The following C10orf88 variants were observed in gnomAD, a reference collection of about 807,000 sequenced individuals.
C10orf88 encodes the protein chromosome 10 open reading frame 88, also known as ATPase PAAT.
Under a neutral mutation model 34.2 loss-of-function variants are expected in C10orf88, and 29 were observed. The ratio of observed to expected loss-of-function variants is 0.85; its 90% CI spans 0.63 to 1.16. The LOEUF is 1.16. Ranked by LOEUF, C10orf88 falls within the 50% of genes most tolerant of loss-of-function variation. C10orf88 has a pLI of 0.00. For missense variants in C10orf88, 507 were observed against 533.2 expected (o/e 0.95, Z 0.48); for synonymous variants, 194 against 197.4 (o/e 0.98, Z 0.15).
At chr10:122,951,443 G>A (rs1312493371) in intron 3 of C10orf88, among the ~76,000 whole-genome samples, 2 of 151,770 alleles carry the variant, frequency 1.3e-5, no homozygotes, top group African/African-American at 4.8e-5. Context: ...CTGGGCTTGA[G>A]CAATCCTCCC....
intron 4 of C10orf88, among the ~76,000 whole-genome samples, chr10:122,940,127 C>T (rs1848569501): frequency 6.6e-6 from 1 of 151,904 alleles, no homozygotes; most frequent in Non-Finnish European, 1.5e-5. Flanking sequence ...GTACTCACAA[C>T]CGCCAAGATA....
chr10:122,952,826 C>T lies in C10orf88; in HGVS notation c.368+3G>A, dbSNP rs753168600. ...AACACTTTCCCGTGTACAAGTCACACACCTGTCATCCAGGACAGTACAAAC... is the reference window on the plus strand; with the variant it reads ...AACACTTTCCCGTGTACAAGTCACATACCTGTCATCCAGGACAGTACAAAC... On this transcript the variant is annotated splice_donor_region_variant and intron_variant, in intron 2 of 5. Transcript: ENST00000481909. 1.2e-6 allele frequency: 2 copies of T among 1,614,036 alleles called. No homozygotes were observed. Among genetic ancestry groups the T allele is most frequent in the East Asian group, 2.2e-5 (1 of 44,886 alleles).
Position 122,948,945 on chromosome 10 carries a change from A to G in C10orf88, c.442-90T>C. The G allele has an allele frequency of 3.6e-6, 4 of 1,120,952 alleles. No individual in the cohort carries two copies. The South Asian group carries it at 6.3e-5, about 18-fold the overall frequency. The allele number at this position is 1,120,952 out of a possible 1,614,324, so 69.4% of individuals were successfully genotyped here. A position where few individuals can be genotyped will look rare whatever the true frequency, so the allele number is the denominator to read the frequency against. On this transcript the variant is annotated intron_variant, in intron 3 of 5. Coordinates refer to ENST00000481909, the MANE Select transcript of C10orf88 (RefSeq NM_024942.4). ...CTTGGTATGACCTAAACAAGAGTGA[A>G]GTATTCAAGAATCTAAAAATTAACT...
Position 122,932,530 on chromosome 10 carries a change from A to G in C10orf88, c.1235T>C (p.Ile412Thr), listed in dbSNP as rs1270957149. 2.5e-6 allele frequency: 4 copies of G among 1,613,882 alleles called. No individual in the cohort carries two copies. Among genetic ancestry groups the G allele is most frequent in the Admixed American group, 1.7e-5 (1 of 59,986 alleles). ...HELQEHIDDK[I>T]ALLLDLLQNP... ...TTGCAGCAAATCCAGTAACAAAGCA[A>G]TCTTATCATCAATGTGCTCCTGGAG... Residue 412 changes from isoleucine (I) to threonine (T), a missense_variant, in exon 6 of 6, where the codon ATT becomes ACT. Transcript: ENST00000481909.
intron 5 of C10orf88, 57 bp downstream of exon 5, chr10:122,937,648 T>C: frequency 7.1e-7 from 1 of 1,415,602 alleles, no homozygotes; most frequent in Non-Finnish European, 9.6e-7. Flanking sequence ...CTGTTTCCTT[T>C]CATCTGATTC....
At chr10:122,940,800 A>G (rs1438071713) in intron 4 of C10orf88, among the ~76,000 whole-genome samples, 3 of 152,054 alleles carry the variant, frequency 2.0e-5, no homozygotes, top group African/African-American at 4.8e-5. Context: ...ACTGCATAAT[A>G]TTCATAAAAC....
intron 1 of C10orf88, among the ~76,000 whole-genome samples, chr10:122,953,466 A>T (rs568283893): frequency 6.6e-6 from 1 of 152,182 alleles, no homozygotes; most frequent in Non-Finnish European, 1.5e-5. Context: ...CAGAATTCAT[A>T]CGGAAATGAA....
intron 4 of C10orf88, among the ~76,000 whole-genome samples, chr10:122,944,831 T>C (rs1166872583): frequency 6.6e-6 from 1 of 151,286 alleles, no homozygotes; most frequent in Non-Finnish European, 1.5e-5. Flanking sequence ...ATCTCTAAAC[T>C]TGAAAAAAAA....
In C10orf88 at chr10:122,932,311, T is replaced by C; in HGVS notation, c.*116A>G. ...AAACGAAAACTGAGGTCACTTTGTG[T>C]AAGACAATGATCCCTCAAAGGACAT... On this transcript the variant is annotated 3_prime_UTR_variant, in exon 6 of 6. Transcript: ENST00000481909. The C allele has an allele frequency of 1.2e-6, 1 of 858,424 alleles. No homozygotes were observed. The highest frequency in any genetic ancestry group is 2.0e-5 in the South Asian group (1 of 49,880). The allele number at this position is 858,424 out of a possible 1,614,324, so 53.2% of individuals were successfully genotyped here. A position where few individuals can be genotyped will look rare whatever the true frequency, so the allele number is the denominator to read the frequency against.
chr10:122,935,815 T>C (rs544378138), intron 5 of C10orf88, among the ~76,000 whole-genome samples: 1 of 151,924 alleles, frequency 6.6e-6, no homozygotes, highest in Admixed American at 6.6e-5. Context: ...TTTTATAATT[T>C]TCATTTCACA....
chr10:122,952,792 C>T, intron 2 of C10orf88, 37 bp downstream of exon 2: 1 of 1,607,738 alleles, frequency 6.2e-7, no homozygotes, highest in Non-Finnish European at 8.5e-7. Flanking sequence ...CAAAACACTA[C>T]TTCAGAAGAA....
intron 5 of C10orf88, among the ~76,000 whole-genome samples, chr10:122,937,093 C>G (rs571037425): frequency 6.6e-5 from 10 of 152,008 alleles, no homozygotes; most frequent in African/African-American, 2.2e-4. Flanking sequence ...CATGTTTAAG[C>G]CAAAACCACA....
At chr10:122,942,031 G>A (rs1848588521) in intron 4 of C10orf88, among the ~76,000 whole-genome samples, 1 of 151,838 alleles carries the variant, frequency 6.6e-6, no homozygotes, top group South Asian at 2.1e-4. Flanking sequence ...TAAAATTCAT[G>A]GCAAAGAAAA....
At chr10:122,946,999 A>G (rs1848646594) in intron 4 of C10orf88, among the ~76,000 whole-genome samples, 1 of 152,110 alleles carries the variant, frequency 6.6e-6, no homozygotes. Flanking sequence ...ATCAGGATTA[A>G]TTCTAAGTAC....
chr10:122,947,345 T>G (rs1357762370), intron 4 of C10orf88, among the ~76,000 whole-genome samples: 6 of 152,214 alleles, frequency 3.9e-5, no homozygotes, highest in Non-Finnish European at 8.8e-5. Context: ...TATTTTAAAT[T>G]TTCACATCAA....
At chr10:122,938,612 C>T (rs924968881) in intron 4 of C10orf88, among the ~76,000 whole-genome samples, 10 of 152,098 alleles carry the variant, frequency 6.6e-5, no homozygotes, top group Admixed American at 5.2e-4. Flanking sequence ...CGGTAAGTTA[C>T]TCACTTTCAT....
At chr10:122,948,605 T>A in intron 4 of C10orf88, 44 bp downstream of exon 4, 1 of 1,566,576 alleles carries the variant, frequency 6.4e-7, no homozygotes, top group East Asian at 2.2e-5. Context: ...GCAATGGTTT[T>A]GAAATCATTA....
intron 4 of C10orf88, among the ~76,000 whole-genome samples, chr10:122,947,791 C>T (rs1032047761): frequency 1.3e-5 from 2 of 152,176 alleles, no homozygotes; most frequent in African/African-American, 4.8e-5. Context: ...ATCTTCAAAG[C>T]CTCAATTTCA....
At chr10:122,943,767 T>A (rs1848608569) in intron 4 of C10orf88, among the ~76,000 whole-genome samples, 1 of 151,944 alleles carries the variant, frequency 6.6e-6, no homozygotes, top group Admixed American at 6.6e-5. Context: ...AAAAAACACA[T>A]GAAAAAATGC....
Sources: allele counts gnomAD v4.1 joint callset (sites outside exome capture counted in the v4.1 genomes callset), GRCh38; gene constraint gnomAD v4.1.1; transcripts MANE v1.5; gene names NCBI Gene and HGNC (gene_info 2026-07-23, HGNC 2026-07-21).